The following PKIB variants were observed in gnomAD, a reference collection of about 807,000 sequenced individuals.
PKIB encodes the protein cAMP-dependent protein kinase inhibitor beta, also known as PKI-beta.
In PKIB, 2 loss-of-function variants were observed where a neutral mutation model predicts 4.5. The ratio of observed to expected loss-of-function variants is 0.44; its 90% CI spans 0.18 to 1.39. The LOEUF (loss-of-function observed/expected upper bound fraction) is 1.39. Among genes scored for constraint, PKIB ranks in the 40% most tolerant of loss-of-function variants. The probability of loss-of-function intolerance (pLI) is 0.27; values close to 1 mark genes in which losing one functional copy is unlikely to be tolerated. For missense variants in PKIB, 94 were observed against 92.6 expected (o/e 1.02, Z -0.06); for synonymous variants, 38 against 36.0 (o/e 1.06, Z -0.20).
At chr6:122,522,670 C>T (rs1453836995) in intron 2 of PKIB, among the ~76,000 whole-genome samples, 1 of 152,122 alleles carries the variant, frequency 6.6e-6, no homozygotes, top group African/African-American at 2.4e-5. Flanking sequence ...GAGGGAGTTT[C>T]CCCAACCCCT....
chr6:122,516,767 G>A (rs147799400), intron 2 of PKIB, among the ~76,000 whole-genome samples: 2 of 152,320 alleles, frequency 1.3e-5, no homozygotes, highest in East Asian at 3.9e-4. Context: ...ACTAAAACAA[G>A]TATTGAGATT....
intron 3 of PKIB, among the ~76,000 whole-genome samples, chr6:122,597,583 G>C (rs998547870): frequency 2.0e-5 from 3 of 152,194 alleles, no homozygotes; most frequent in African/African-American, 7.2e-5. Context: ...AGTTGAATGG[G>C]GATGTGGTGG....
chr6:122,542,814 A>C (rs1488446655), intron 2 of PKIB, among the ~76,000 whole-genome samples: 5 of 152,242 alleles, frequency 3.3e-5, no homozygotes, highest in South Asian at 4.1e-4. Context: ...CTGCCCCCAG[A>C]GGTGGAGCCT....
intron 2 of PKIB, among the ~76,000 whole-genome samples, chr6:122,538,481 A>G (rs1273511113): frequency 2.0e-5 from 3 of 152,086 alleles, no homozygotes; most frequent in African/African-American, 7.3e-5. Context: ...CAAAGATCAG[A>G]TGGTTGTAGA....
intron 2 of PKIB, among the ~76,000 whole-genome samples, chr6:122,641,565 G>A (rs942596696): frequency 6.6e-5 from 10 of 152,142 alleles, no homozygotes; most frequent in African/African-American, 2.4e-4. Context: ...AGCTTCGAGA[G>A]GTGATGTGAC....
chr6:122,608,900 ACT>A (rs1774633685), upstream of PKIB, among the ~76,000 whole-genome samples: 1 of 152,126 alleles, frequency 6.6e-6, no homozygotes, highest in South Asian at 2.1e-4. Flanking sequence ...TTTTAGTATC[ACT>A]CTCTGTCATA....
chr6:122,510,371 G>A (rs1458232877), intron 2 of PKIB, among the ~76,000 whole-genome samples: 11 of 152,196 alleles, frequency 7.2e-5, no homozygotes, highest in Admixed American at 3.9e-4. Flanking sequence ...TTGACAAATT[G>A]TGGGACTGTT....
chr6:122,694,375 G>A (rs1280034300), intron 3 of PKIB, among the ~76,000 whole-genome samples: 1 of 152,126 alleles, frequency 6.6e-6, no homozygotes, highest in African/African-American at 2.4e-5. Flanking sequence ...TGGTTTAAAT[G>A]GCATAAGATT....
At chr6:122,561,473 G>A (rs1368974980) in intron 2 of PKIB, among the ~76,000 whole-genome samples, 1 of 151,746 alleles carries the variant, frequency 6.6e-6, no homozygotes, top group Non-Finnish European at 1.5e-5. Flanking sequence ...CCTATCATAT[G>A]ATCTATCTTG....
At position 122,726,209 on chromosome 6, in the gene PKIB, A is replaced by C. The variant is rs1259914969; in HGVS notation, c.*1014A>C. The stretch of plus-strand genomic sequence containing the variant: ...TAAATTTTGATTTATTAGATATTTT[A>C]GAAAAATAATAGAATTCTGAAGTTT... On this transcript the variant is annotated 3_prime_UTR_variant, in exon 5 of 5. Transcript: ENST00000368452. 3 of 152,198 alleles carry C rather than the reference A, an allele frequency of 2.0e-5. No homozygotes were observed. The highest frequency in any genetic ancestry group is 7.2e-5 in the African/African-American group (3 of 41,472). The allele number at this position is 152,198 out of a possible 1,614,324, so 9.4% of individuals were successfully genotyped here. A position where few individuals can be genotyped will look rare whatever the true frequency, so the allele number is the denominator to read the frequency against.
At chr6:122,623,579 G>C (rs1484066723) in intron 1 of PKIB, among the ~76,000 whole-genome samples, 1 of 152,090 alleles carries the variant, frequency 6.6e-6, no homozygotes, top group African/African-American at 2.4e-5. Context: ...AGGAGGCATG[G>C]CTCTGTTCTG....
intron 2 of PKIB, among the ~76,000 whole-genome samples, chr6:122,559,750 G>C (rs182992146): frequency 3.3e-5 from 5 of 151,912 alleles, no homozygotes; most frequent in Non-Finnish European, 4.4e-5. Context: ...CCTTGTAGAG[G>C]TCTTTGACTC....
At chr6:122,664,306 T>C (rs1214751534) in intron 2 of PKIB, among the ~76,000 whole-genome samples, 2 of 152,224 alleles carry the variant, frequency 1.3e-5, no homozygotes, top group Non-Finnish European at 2.9e-5. Flanking sequence ...ATAGGAAGTA[T>C]AAATTCAGCT....
At chr6:122,713,959 A>G (rs796247834) in intron 3 of PKIB, among the ~76,000 whole-genome samples, 3 of 152,264 alleles carry the variant, frequency 2.0e-5, no homozygotes, top group African/African-American at 7.2e-5. Context: ...TGGATCTAAT[A>G]CATTCTTTAA....
At chr6:122,660,828 C>T (rs1400526569) in intron 2 of PKIB, among the ~76,000 whole-genome samples, 1 of 152,092 alleles carries the variant, frequency 6.6e-6, no homozygotes, top group Non-Finnish European at 1.5e-5. Context: ...AGAGAAAACC[C>T]ACTGATTGAT....
At chr6:122,525,070 A>T (rs1365592423) in intron 2 of PKIB, among the ~76,000 whole-genome samples, 3 of 150,906 alleles carry the variant, frequency 2.0e-5, no homozygotes, top group African/African-American at 4.9e-5. Context: ...TTTTTTTTTT[A>T]AATGTATGCA....
intron 4 of PKIB, among the ~76,000 whole-genome samples, chr6:122,723,780 C>G (rs1388021387): frequency 6.6e-6 from 1 of 152,182 alleles, no homozygotes; most frequent in African/African-American, 2.4e-5. Flanking sequence ...CCAGCTAACT[C>G]TGTCTAGAAT....
At chr6:122,650,047 G>T (rs561681316) in intron 2 of PKIB, among the ~76,000 whole-genome samples, 1 of 152,130 alleles carries the variant, frequency 6.6e-6, no homozygotes, top group Non-Finnish European at 1.5e-5. Context: ...CGATAAATTG[G>T]CCAAAGTAGT....
At position 122,580,858 on chromosome 6, in the gene PKIB, G is replaced by A. The variant is rs376131829; in HGVS notation, c.-247-5063G>A. Reference sequence around the variant, plus strand: ...CCAAATTGCACTGAATACCTTGTCTGACATAACCTGTGGTCAATCTTTTCT... The same window carrying A: ...CCAAATTGCACTGAATACCTTGTCTAACATAACCTGTGGTCAATCTTTTCT... On this transcript the variant is annotated intron_variant, in intron 2 of 6. Transcript: ENST00000392491. 2.0e-5 allele frequency among the ~76,000 whole-genome samples: 3 copies of A among 152,148 alleles called. No homozygotes were observed. In the East Asian group the frequency reaches 5.8e-4, roughly 29 times the overall value.
Sources: allele counts gnomAD v4.1 joint callset (sites outside exome capture counted in the v4.1 genomes callset), GRCh38; gene constraint gnomAD v4.1.1; transcripts MANE v1.5; gene names NCBI Gene and HGNC (gene_info 2026-07-23, HGNC 2026-07-21).